The following AGBL4 variants were observed in gnomAD, a reference collection of about 807,000 sequenced individuals.
AGBL4 encodes cytosolic carboxypeptidase 6.
A neutral mutation model predicts 66.4 loss-of-function variants in AGBL4; 58 were observed. The observed-to-expected ratio is 0.87, with a 90% CI of 0.71 to 1.09. AGBL4 has a LOEUF of 1.09. Ranked by LOEUF, AGBL4 falls within the 50% of genes least tolerant of loss-of-function variation. AGBL4 has a pLI of 0.00. For missense variants in AGBL4, 579 were observed against 631.0 expected (o/e 0.92, Z 0.88); for synonymous variants, 234 against 222.9 (o/e 1.05, Z -0.44).
intron 3 of AGBL4, among the ~76,000 whole-genome samples, chr1:49,367,290 T>C (rs1177875525): frequency 6.6e-6 from 1 of 152,190 alleles, no homozygotes; most frequent in East Asian, 1.9e-4. Context: ...ATCCTTCCCA[T>C]GGTAATAAGT....
chr1:49,835,295 T>C (rs1571676673), intron 2 of AGBL4, among the ~76,000 whole-genome samples: 1 of 152,228 alleles, frequency 6.6e-6, no homozygotes, highest in African/African-American at 2.4e-5. Flanking sequence ...TTAGCTCTTC[T>C]TGTTGCATTG....
chr1:49,655,339 A>T (rs2124465747), intron 3 of AGBL4, among the ~76,000 whole-genome samples: 1 of 152,290 alleles, frequency 6.6e-6, no homozygotes, highest in African/African-American at 2.4e-5. Context: ...TTTGCGGGTA[A>T]CCCAACCTTT....
chr1:49,905,247 G>C (rs1432089806), intron 1 of AGBL4, among the ~76,000 whole-genome samples: 1 of 152,066 alleles, frequency 6.6e-6, no homozygotes, highest in Admixed American at 6.6e-5. Context: ...TGTATCCTGA[G>C]TAAGGTTGTT....
At position 49,045,631 on chromosome 1, in the gene AGBL4, T is replaced by C; in HGVS notation, c.547A>G (p.Lys183Glu). 1 of 1,601,422 alleles carries C rather than the reference T, an allele frequency of 6.2e-7. No homozygotes were observed. The highest frequency in any genetic ancestry group is 8.5e-7 in the Non-Finnish European group (1 of 1,173,514). Reference sequence around the variant, plus strand: ...CGAAAGAAGTAATCCATGTTTCTCTTTTGCAGGCTGTCAAGGTAATGTTGG... The same window carrying C: ...CGAAAGAAGTAATCCATGTTTCTCTCTTGCAGGCTGTCAAGGTAATGTTGG... ...RFQHYLDSLQ[K>E]RNMDYFFREQ... The change falls in exon 5 of 14, where the codon AAG becomes GAG. Residue 183 changes from lysine to glutamate, a missense_variant. By Grantham distance (56) the Lys-to-Glu change is moderately conservative. Coordinates refer to ENST00000371839, the MANE Select transcript of AGBL4 (RefSeq NM_032785.4).
intron 6 of AGBL4, among the ~76,000 whole-genome samples, chr1:48,863,837 G>C (rs1277408406): frequency 6.6e-6 from 1 of 152,024 alleles, no homozygotes; most frequent in Non-Finnish European, 1.5e-5. Flanking sequence ...CACAAAACTT[G>C]AGAAATTTTA....
intron 4 of AGBL4, chr1:49,175,130 T>C (rs1223524120): frequency 6.6e-6 from 1 of 151,940 alleles, no homozygotes; most frequent in Admixed American, 6.6e-5. Context: ...TTAATGAGAG[T>C]TGAGATTTTT....
chr1:48,924,310 A>AAATC (rs1273768419), intron 5 of AGBL4, among the ~76,000 whole-genome samples: 1 of 149,682 alleles, frequency 6.7e-6, no homozygotes, highest in African/African-American at 2.5e-5. Flanking sequence ...ATAAATAAAT[A>AAATC]AATAAATAGG....
intron 3 of AGBL4, among the ~76,000 whole-genome samples, chr1:49,417,635 G>C (rs548853261): frequency 6.6e-6 from 1 of 152,052 alleles, no homozygotes; most frequent in African/African-American, 2.4e-5. Context: ...AACTTCCTAA[G>C]GATTGAAACA....
intron 1 of AGBL4, among the ~76,000 whole-genome samples, chr1:49,935,638 A>C (rs1006495132): frequency 2.0e-5 from 3 of 152,068 alleles, no homozygotes; most frequent in African/African-American, 7.2e-5. Flanking sequence ...CTGAGACAAA[A>C]CTTCCACAGG....
intron 5 of AGBL4, among the ~76,000 whole-genome samples, chr1:48,956,626 G>C (rs1383908437): frequency 6.6e-6 from 1 of 152,188 alleles, no homozygotes. Context: ...TCCTAGGAAA[G>C]TAGATTGAGA....
intron 6 of AGBL4, among the ~76,000 whole-genome samples, chr1:48,750,246 C>A (rs1651474917): frequency 6.6e-6 from 1 of 152,158 alleles, no homozygotes; most frequent in South Asian, 2.1e-4. Context: ...GGGAAGTGCC[C>A]CCATGAACCA....
chr1:49,985,813 G>A (rs1659456634), intron 1 of AGBL4, among the ~76,000 whole-genome samples: 1 of 151,908 alleles, frequency 6.6e-6, no homozygotes, highest in South Asian at 2.1e-4. Context: ...TACAATACCT[G>A]AAAATCAACT....
At chr1:49,378,700 A>G (rs1180936412) in intron 3 of AGBL4, among the ~76,000 whole-genome samples, 1 of 152,182 alleles carries the variant, frequency 6.6e-6, no homozygotes, top group East Asian at 1.9e-4. Flanking sequence ...AAAGGAGAGA[A>G]GAAAGGAAGG....
intron 5 of AGBL4, among the ~76,000 whole-genome samples, chr1:48,959,723 A>G (rs1043790025): frequency 1.3e-5 from 2 of 152,240 alleles, no homozygotes; most frequent in Non-Finnish European, 2.9e-5. Flanking sequence ...TATTCTGGGT[A>G]CAGACCAGTG....
chr1:48,992,506 G>A (rs1391414075), intron 5 of AGBL4, among the ~76,000 whole-genome samples: 1 of 151,832 alleles, frequency 6.6e-6, no homozygotes. Flanking sequence ...TTTGCTGAGG[G>A]CCCTAGAACT....
At chr1:48,971,312 G>A (rs1440635584) in intron 5 of AGBL4, among the ~76,000 whole-genome samples, 1 of 152,074 alleles carries the variant, frequency 6.6e-6, no homozygotes, top group Non-Finnish European at 1.5e-5. Flanking sequence ...TGCTCGTTAT[G>A]AGAATCCAAT....
At chr1:49,578,656 T>C (rs1286616099) in intron 3 of AGBL4, among the ~76,000 whole-genome samples, 3 of 152,262 alleles carry the variant, frequency 2.0e-5, no homozygotes, top group Non-Finnish European at 4.4e-5. Flanking sequence ...ATATCAGCAT[T>C]TAAGTATTGT....
At chr1:48,592,897 A>G (rs1644939858) in intron 9 of AGBL4, among the ~76,000 whole-genome samples, 1 of 152,244 alleles carries the variant, frequency 6.6e-6, no homozygotes, top group African/African-American at 2.4e-5. Flanking sequence ...TATTCATATA[A>G]ATTTATGGGC....
At chr1:49,372,636 TTTCTTTCTTTCTTTCTTTC>T (rs1644380423) in intron 3 of AGBL4, among the ~76,000 whole-genome samples, 1 of 136,154 alleles carries the variant, frequency 7.3e-6, no homozygotes. Flanking sequence ...TCTTTCTTTC[TTTCTTTCTTTCTTTCTTTC>T]TTTCTTTCTT....
Sources: allele counts gnomAD v4.1 joint callset (sites outside exome capture counted in the v4.1 genomes callset), GRCh38; gene constraint gnomAD v4.1.1; transcripts MANE v1.5; gene names NCBI Gene and HGNC (gene_info 2026-07-23, HGNC 2026-07-21).